Variants in CDK5RAP2 observed in about 807,000 individuals in gnomAD.
The protein encoded by CDK5RAP2 is CDK5 regulatory subunit-associated protein 2.
A neutral mutation model predicts 232.9 loss-of-function variants in CDK5RAP2; 147 were observed. That is an observed-to-expected ratio of 0.63 (90% confidence interval 0.55 to 0.72). The LOEUF is 0.72. Among genes scored for constraint, CDK5RAP2 ranks in the 30% least tolerant of loss-of-function variants. CDK5RAP2 has a pLI of 0.00. For missense variants in CDK5RAP2, 2,195 were observed against 2,231.5 expected (o/e 0.98, Z 0.33); for synonymous variants, 833 against 833.7 (o/e 1.00, Z 0.01).
intron 28 of CDK5RAP2, among the ~76,000 whole-genome samples, chr9:120,413,220 C>T (rs10984907): frequency 8.5e-5 from 13 of 152,260 alleles, no homozygotes; most frequent in South Asian, 6.2e-4. Context: ...AGTTCCTGAC[C>T]GACCTAAACC....
At position 120,477,527 on chromosome 9, in the gene CDK5RAP2, T is replaced by C. The variant is rs1335027423; in HGVS notation, c.1627-77A>G. 6.3e-6 allele frequency: 7 copies of C among 1,107,120 alleles called. No individual in the cohort carries two copies. In the East Asian group the frequency reaches 9.4e-5, roughly 15 times the overall value. 68.6% of individuals were successfully genotyped at this position (1,107,120 alleles called of 1,614,324 possible). A position where few individuals can be genotyped will look rare whatever the true frequency, so the allele number is the denominator to read the frequency against. On this transcript the variant is annotated intron_variant, in intron 14 of 37. Transcript: ENST00000349780. ...CATCCTTATATTATGCAAACATATG[T>C]AGCTAGTCCCAGTTTTTAAAATCAA...
intron 2 of CDK5RAP2, among the ~76,000 whole-genome samples, chr9:120,571,553 G>A (rs867277374): frequency 3.9e-5 from 6 of 152,238 alleles, no homozygotes; most frequent in Non-Finnish European, 8.8e-5. Context: ...GGGCAGGCCC[G>A]TGTAGGAATG....
intron 18 of CDK5RAP2, 75 bp from the exon 19 acceptor site, chr9:120,460,742 T>C (rs1183636341): frequency 5.0e-6 from 8 of 1,587,680 alleles, no homozygotes; most frequent in Admixed American, 1.8e-5. Flanking sequence ...AATAAGTCAG[T>C]GATGTCTTTT....
In CDK5RAP2 at chr9:120,453,615, C is replaced by T. The variant is rs780945827; in HGVS notation, c.2634G>A (p.Thr878=). 2.5e-6 allele frequency: 4 copies of T among 1,614,086 alleles called. No individual in the cohort carries two copies. The highest frequency in any genetic ancestry group is 1.3e-5 in the African/African-American group (1 of 74,926). ...GCTTGAATCTCAGCAGGTCGCCCTC[C>T]GTGGCCACAGTCTGCACTGAGGCAT... The part of the protein sequence containing the change: ...LKDASVQTVA[T]EGDLLRFKHE... The change falls in exon 21 of 38, where the codon ACG becomes ACA. Residue 878 remains threonine (T), a synonymous_variant. Coordinates refer to ENST00000349780, the MANE Select transcript of CDK5RAP2 (RefSeq NM_018249.6).
intron 3 of CDK5RAP2, among the ~76,000 whole-genome samples, chr9:120,557,768 CTTT>C (rs770030982): frequency 8.8e-6 from 1 of 113,772 alleles, no homozygotes. Flanking sequence ...CAAAAAAAAA[CTTT>C]TTTTTTTTTT....
At chr9:120,444,057 G>A (rs1435590419) in intron 22 of CDK5RAP2, among the ~76,000 whole-genome samples, 1 of 152,220 alleles carries the variant, frequency 6.6e-6, no homozygotes, top group East Asian at 1.9e-4. Flanking sequence ...ACTGTTTGAG[G>A]TAGCACCTGG....
At chr9:120,566,427 T>C (rs2042648831) in intron 3 of CDK5RAP2, among the ~76,000 whole-genome samples, 2 of 152,184 alleles carry the variant, frequency 1.3e-5, no homozygotes, top group South Asian at 4.1e-4. Context: ...CTAAAACATG[T>C]TGGCATAGAA....
At chr9:120,578,464 C>T (rs1395656264) in intron 1 of CDK5RAP2, among the ~76,000 whole-genome samples, 1 of 151,996 alleles carries the variant, frequency 6.6e-6, no homozygotes, top group Non-Finnish European at 1.5e-5. Flanking sequence ...GTGCCTCATA[C>T]ATGAAGGTTC....
intron 4 of CDK5RAP2, among the ~76,000 whole-genome samples, chr9:120,549,404 A>C (rs529576585): frequency 6.6e-6 from 1 of 152,328 alleles, no homozygotes; most frequent in African/African-American, 2.4e-5. Flanking sequence ...TTTGAATTCT[A>C]AACCATGTGC....
intron 31 of CDK5RAP2, 25 bp from the exon 32 acceptor site, chr9:120,407,273 C>A: frequency 6.4e-7 from 1 of 1,557,564 alleles, no homozygotes; most frequent in Non-Finnish European, 8.8e-7. Context: ...AAAGAGAAGC[C>A]CTGACATCTT....
At chr9:120,404,206 A>G (rs2033275397) in intron 32 of CDK5RAP2, 93 bp from the exon 33 acceptor site, 2 of 806,752 alleles carry the variant, frequency 2.5e-6, no homozygotes, top group African/African-American at 1.7e-5. Context: ...CCTCACATTC[A>G]CTTATCCATA....
chr9:120,546,232 AAAAAT>A (rs2041836927), intron 4 of CDK5RAP2, among the ~76,000 whole-genome samples: 1 of 152,228 alleles, frequency 6.6e-6, no homozygotes, highest in Admixed American at 6.5e-5. Flanking sequence ...CAGCTTAAAA[AAAAAT>A]AAAACATGTG....
chr9:120,571,254 G>A (rs1433314502), intron 2 of CDK5RAP2, among the ~76,000 whole-genome samples: 1 of 152,198 alleles, frequency 6.6e-6, no homozygotes, highest in African/African-American at 2.4e-5. Context: ...GAAATAAACC[G>A]TGGGACTCTT....
At chr9:120,460,733 A>G in intron 18 of CDK5RAP2, 66 bp from the exon 19 acceptor site, 3 of 1,608,286 alleles carry the variant, frequency 1.9e-6, no homozygotes, top group Non-Finnish European at 2.5e-6. Context: ...ATATGTATGA[A>G]TAAGTCAGTG....
At chr9:120,474,605 A>G (rs2037900932) in intron 15 of CDK5RAP2, among the ~76,000 whole-genome samples, 1 of 152,230 alleles carries the variant, frequency 6.6e-6, no homozygotes, top group South Asian at 2.1e-4. Flanking sequence ...TTGGGAGCCA[A>G]GACGACCTAA....
chr9:120,406,087 T>A (rs2131291533), intron 32 of CDK5RAP2: 1 of 152,354 alleles, frequency 6.6e-6, no homozygotes, highest in South Asian at 2.1e-4. Flanking sequence ...CAATGAGAAA[T>A]CAATGAACTA....
chr9:120,414,649 G>A (rs558139160), intron 28 of CDK5RAP2, among the ~76,000 whole-genome samples: 12 of 152,138 alleles, frequency 7.9e-5, no homozygotes, highest in Non-Finnish European at 1.0e-4. Context: ...GCGGGGTGGC[G>A]GGGAGTGGGC....
chr9:120,567,911 A>G (rs1363400483), intron 3 of CDK5RAP2, among the ~76,000 whole-genome samples: 1 of 152,232 alleles, frequency 6.6e-6, no homozygotes, highest in African/African-American at 2.4e-5. Flanking sequence ...ATGATACAAA[A>G]TATCTCAAAG....
chr9:120,409,098 G>A (rs1477675540), intron 30 of CDK5RAP2, 29 bp downstream of exon 30: 1 of 1,606,730 alleles, frequency 6.2e-7, no homozygotes, highest in Non-Finnish European at 8.5e-7. Flanking sequence ...GGTACGGCCA[G>A]CAGGCCACCA....
Sources: allele counts gnomAD v4.1 joint callset (sites outside exome capture counted in the v4.1 genomes callset), GRCh38; gene constraint gnomAD v4.1.1; transcripts MANE v1.5; gene names NCBI Gene and HGNC (gene_info 2026-07-23, HGNC 2026-07-21).